Variants in CCR5AS observed in about 807,000 individuals in gnomAD.
CCR5AS encodes the protein CCR5 antisense RNA.
intron 1 of CCR5AS, among the ~76,000 whole-genome samples, chr3:46,398,208 CA>C (rs958381031): frequency 6.8e-6 from 1 of 146,608 alleles, no homozygotes; most frequent in African/African-American, 2.5e-5. Flanking sequence ...CCCCAAAACC[CA>C]GGCGCGGAAA....
intron 2 of CCR5AS, chr3:46,373,940 G>A (rs2157060): frequency 6.4e-7 from 1 of 1,571,362 alleles, no homozygotes; most frequent in African/African-American, 1.4e-5. Flanking sequence ...CTGGGGAGCA[G>A]GAAATATCTG....
intron 1 of CCR5AS, among the ~76,000 whole-genome samples, chr3:46,398,314 G>A (rs1004316004): frequency 5.3e-5 from 8 of 152,150 alleles, no homozygotes; most frequent in African/African-American, 1.9e-4. Flanking sequence ...GCCATGAAAA[G>A]CTACTGCAGA....
At chr3:46,382,641 G>C (rs1231267729) in intron 2 of CCR5AS, among the ~76,000 whole-genome samples, 4 of 152,158 alleles carry the variant, frequency 2.6e-5, no homozygotes, top group Non-Finnish European at 4.4e-5. Flanking sequence ...GTAATGACGG[G>C]AATGCTTTGT....
At chr3:46,386,211 C>T (rs907302555) in intron 2 of CCR5AS, among the ~76,000 whole-genome samples, 8 of 152,204 alleles carry the variant, frequency 5.3e-5, no homozygotes, top group Non-Finnish European at 1.0e-4. Context: ...CCACCCCACC[C>T]GACCACACTC....
At chr3:46,402,863 G>A (rs1351504647) in intron 1 of CCR5AS, among the ~76,000 whole-genome samples, 1 of 152,130 alleles carries the variant, frequency 6.6e-6, no homozygotes, top group Non-Finnish European at 1.5e-5. Flanking sequence ...TACTCAATAG[G>A]TATCTTTTCT....
At chr3:46,403,717 C>T (rs1702021320) in intron 1 of CCR5AS, among the ~76,000 whole-genome samples, 1 of 152,142 alleles carries the variant, frequency 6.6e-6, no homozygotes, top group Non-Finnish European at 1.5e-5. Flanking sequence ...GTGAGATTCC[C>T]AAGAATGTGG....
chr3:46,400,477 G>T (rs1559576664), intron 1 of CCR5AS, among the ~76,000 whole-genome samples: 3 of 152,210 alleles, frequency 2.0e-5, no homozygotes, highest in East Asian at 1.9e-4. Flanking sequence ...AGGCTGGAAG[G>T]CTTGATGAAC....
At chr3:46,376,994 G>A (rs1468270727) in intron 2 of CCR5AS, among the ~76,000 whole-genome samples, 1 of 152,158 alleles carries the variant, frequency 6.6e-6, no homozygotes, top group East Asian at 1.9e-4. Flanking sequence ...CATCTGTTAG[G>A]GTAAAAGGTA....
intron 1 of CCR5AS, among the ~76,000 whole-genome samples, chr3:46,404,613 C>T (rs556047252): frequency 6.6e-6 from 1 of 152,276 alleles, no homozygotes; most frequent in South Asian, 2.1e-4. Context: ...GCTGGGATTA[C>T]AGGCATGAGC....
intron 2 of CCR5AS, chr3:46,375,604 T>C: frequency 6.1e-6 from 1 of 163,444 alleles, no homozygotes. Flanking sequence ...TAAGCTGCCT[T>C]GAGCCTTAAA....
At chr3:46,395,456 A>G (rs1303712989) in intron 1 of CCR5AS, among the ~76,000 whole-genome samples, 2 of 152,172 alleles carry the variant, frequency 1.3e-5, no homozygotes, top group African/African-American at 2.4e-5. Flanking sequence ...ATGTGCCAAG[A>G]AAGAGCCAAA....
chr3:46,405,234 G>C (rs1702034194), intron 1 of CCR5AS, among the ~76,000 whole-genome samples: 1 of 152,192 alleles, frequency 6.6e-6, no homozygotes, highest in African/African-American at 2.4e-5. Flanking sequence ...TGAAGGTCAT[G>C]CTAATATTAG....
At chr3:46,378,516 G>T (rs527612173) in intron 2 of CCR5AS, among the ~76,000 whole-genome samples, 1 of 152,104 alleles carries the variant, frequency 6.6e-6, no homozygotes, top group South Asian at 2.1e-4. Flanking sequence ...TACAAGCTAG[G>T]AAGCCATGGC....
At chr3:46,393,570 G>A (rs1701934511) in intron 1 of CCR5AS, among the ~76,000 whole-genome samples, 1 of 151,732 alleles carries the variant, frequency 6.6e-6, no homozygotes, top group Non-Finnish European at 1.5e-5. Context: ...CTAATTCAAG[G>A]GAATTGCACT....
intron 2 of CCR5AS, chr3:46,373,497 G>C: frequency 6.2e-7 from 1 of 1,606,814 alleles, no homozygotes; most frequent in Non-Finnish European, 8.5e-7. Flanking sequence ...ATTAAAGATA[G>C]TCATCTTGGG....
chr3:46,389,474 C>A (rs994714030), intron 2 of CCR5AS, among the ~76,000 whole-genome samples: 1 of 152,100 alleles, frequency 6.6e-6, no homozygotes, highest in Non-Finnish European at 1.5e-5. Context: ...TTGGAGGAGG[C>A]AAGAGAAGAT....
intron 2 of CCR5AS, chr3:46,373,470 TG>T: frequency 2.3e-6 from 3 of 1,316,454 alleles, no homozygotes; most frequent in Non-Finnish European, 3.2e-6. Flanking sequence ...GTATCAATTC[TG>T]GAAGAATTTC....
At chr3:46,375,991 G>A (rs184040468) in intron 2 of CCR5AS, 16 of 167,100 alleles carry the variant, frequency 9.6e-5, no homozygotes, top group Admixed American at 5.2e-4. Flanking sequence ...GAATATGAAC[G>A]GTGAGCATTG....
At chr3:46,368,434 G>A (rs1221001345) in intron 3 of CCR5AS, among the ~76,000 whole-genome samples, 1 of 152,188 alleles carries the variant, frequency 6.6e-6, no homozygotes, top group Admixed American at 6.5e-5. Flanking sequence ...TTTAAATGCT[G>A]AAGAATTTCC....
Sources: gnomAD v4.1 joint callset for allele counts (sites outside exome capture counted in the v4.1 genomes callset) on GRCh38, gnomAD v4.1.1 for gene constraint, MANE v1.5 for transcripts, NCBI Gene and HGNC (gene_info 2026-07-23, HGNC 2026-07-21) for gene names.